The following SHROOM3 variants were observed in gnomAD, a reference collection of about 807,000 sequenced individuals.
The protein encoded by SHROOM3 is protein Shroom3.
A neutral mutation model predicts 138.6 loss-of-function variants in SHROOM3; 47 were observed. The ratio of observed to expected loss-of-function variants is 0.34; its 90% CI spans 0.27 to 0.43. The LOEUF (loss-of-function observed/expected upper bound fraction) is 0.43. Among genes scored for constraint, SHROOM3 ranks in the 20% least tolerant of loss-of-function variants. The probability of loss-of-function intolerance (pLI) is 1.00; values close to 1 mark genes in which losing one functional copy is unlikely to be tolerated. For synonymous variants in SHROOM3, 1,062 were observed against 1,063.3 expected (o/e 1.00, Z 0.02); for missense variants, 2,491 against 2,596.5 (o/e 0.96, Z 0.88).
At chr4:76,553,078 A>C (rs1733398829) in intron 1 of SHROOM3, among the ~76,000 whole-genome samples, 2 of 152,210 alleles carry the variant, frequency 1.3e-5, no homozygotes, top group Non-Finnish European at 2.9e-5. Context: ...TAGCCCAAGC[A>C]CTTGGAAAAA....
At chr4:76,589,136 A>C (rs1267390563) in intron 2 of SHROOM3, among the ~76,000 whole-genome samples, 1 of 152,232 alleles carries the variant, frequency 6.6e-6, no homozygotes, top group Non-Finnish European at 1.5e-5. Context: ...ACTTGTGTGA[A>C]CCAAAACTGA....
intron 1 of SHROOM3, among the ~76,000 whole-genome samples, chr4:76,439,711 AAC>A (rs1400464748): frequency 6.6e-6 from 1 of 152,258 alleles, no homozygotes; most frequent in East Asian, 1.9e-4. Context: ...GAAAGGCACA[AAC>A]ACATTATACA....
intron 8 of SHROOM3, among the ~76,000 whole-genome samples, chr4:76,758,901 A>G (rs980154308): frequency 6.6e-6 from 1 of 152,180 alleles, no homozygotes; most frequent in Non-Finnish European, 1.5e-5. Flanking sequence ...GAACTACTAG[A>G]TAGCAGGTTT....
chr4:76,655,331 G>C (rs1235565541), intron 2 of SHROOM3, among the ~76,000 whole-genome samples: 1 of 152,034 alleles, frequency 6.6e-6, no homozygotes, highest in Non-Finnish European at 1.5e-5. Context: ...ACAGTGCTAA[G>C]GACACAGGTA....
chr4:76,536,077 A>T (rs1019546625), intron 1 of SHROOM3, among the ~76,000 whole-genome samples: 33 of 152,334 alleles, frequency 2.2e-4, no homozygotes, highest in African/African-American at 7.7e-4. Flanking sequence ...TGAAGCATGG[A>T]TTTCAAAATA....
chr4:76,657,785 C>T (rs1736096585), intron 2 of SHROOM3, among the ~76,000 whole-genome samples: 2 of 152,174 alleles, frequency 1.3e-5, no homozygotes, highest in East Asian at 1.9e-4. Flanking sequence ...AAACTGTCTC[C>T]GGGCCCAAGT....
At chr4:76,479,509 G>A (rs914276747) in intron 1 of SHROOM3, among the ~76,000 whole-genome samples, 5 of 152,114 alleles carry the variant, frequency 3.3e-5, no homozygotes, top group African/African-American at 1.2e-4. Flanking sequence ...CATTTGATTG[G>A]TGTACCTGAA....
chr4:76,606,995 C>CTG lies in SHROOM3; in HGVS notation c.323+51248_323+51249dup, dbSNP rs142329345. ...TCAAAAATGGCAGTGTGTTCAAAAA[C>CTG]TGTGTGTGTGTGTGTGTCATATTTA... On this transcript the variant is annotated intron_variant, in intron 2 of 10. Transcript: ENST00000296043. Among the ~76,000 whole-genome samples the CTG allele has an allele frequency of 4.5e-3, 681 of 151,100 alleles. 3 individuals are homozygous for CTG. The highest frequency in any genetic ancestry group is 0.014 in the African/African-American group (587 of 41,202).
Position 76,577,340 on chromosome 4 carries a change from G to A in SHROOM3, c.323+21577G>A, listed in dbSNP as rs149255632. 2.2e-3 allele frequency among the ~76,000 whole-genome samples: 340 copies of A among 152,274 alleles called. 3 individuals carry two copies. Among genetic ancestry groups the A allele is most frequent in the African/African-American group, 7.7e-3 (322 of 41,568 alleles). ...ACGAGGTGCTGGGGAAGGTCTGATT[G>A]TTTACTCTTTACTGTGTATTGTTGT... On this transcript the variant is annotated intron_variant, in intron 2 of 10. Coordinates refer to ENST00000296043, the MANE Select transcript of SHROOM3 (RefSeq NM_020859.4).
chr4:76,443,549 T>C, intron 1 of SHROOM3, among the ~76,000 whole-genome samples: 1 of 152,236 alleles, frequency 6.6e-6, no homozygotes, highest in Non-Finnish European at 1.5e-5. Flanking sequence ...AGGGCTGCAG[T>C]GCAGAGTCCT....
chr4:76,485,904 A>AGTCATAT (rs1225642880), intron 1 of SHROOM3, among the ~76,000 whole-genome samples: 1 of 152,232 alleles, frequency 6.6e-6, no homozygotes, highest in Non-Finnish European at 1.5e-5. Context: ...TGTCCTACAT[A>AGTCATAT]GTCATATGAC....
At chr4:76,595,113 T>C (rs898907176) in intron 2 of SHROOM3, among the ~76,000 whole-genome samples, 1 of 152,214 alleles carries the variant, frequency 6.6e-6, no homozygotes, top group Non-Finnish European at 1.5e-5. Context: ...AAAGAAGGAA[T>C]AATCAAAGTT....
intron 1 of SHROOM3, among the ~76,000 whole-genome samples, chr4:76,477,044 T>G (rs1442618891): frequency 6.6e-6 from 1 of 152,202 alleles, no homozygotes; most frequent in Non-Finnish European, 1.5e-5. Flanking sequence ...CTCGGCTCAC[T>G]GCAAGCTCTG....
intron 1 of SHROOM3, among the ~76,000 whole-genome samples, chr4:76,535,596 C>T (rs10001789): frequency 0.68 from 102,874 of 152,024 alleles, 35,180 homozygotes; most frequent in East Asian, 0.94. Context: ...AAGTAGAAAC[C>T]AGATGTGCCC....
chr4:76,735,850 AAAAAAAAAAAAAAAAAAAATATAT>A (rs1253936973), intron 4 of SHROOM3, among the ~76,000 whole-genome samples: 3 of 60,594 alleles, frequency 5.0e-5, no homozygotes, highest in Admixed American at 2.2e-4. Flanking sequence ...AAAAAAAAAA[AAAAAAAAAAAAAAAAAAAATATAT>A]ATATATATAT....
intron 9 of SHROOM3, among the ~76,000 whole-genome samples, chr4:76,767,838 T>C (rs1722214672): frequency 6.6e-6 from 1 of 152,114 alleles, no homozygotes. Flanking sequence ...ATAGAAATAA[T>C]GAAAAACAGG....
At chr4:76,438,956 A>C (rs1442163256) in intron 1 of SHROOM3, among the ~76,000 whole-genome samples, 1 of 152,226 alleles carries the variant, frequency 6.6e-6, no homozygotes, top group Non-Finnish European at 1.5e-5. Flanking sequence ...GCAGACCTCC[A>C]TGTGGGGCAT....
chr4:76,646,225 A>T (rs377072555), intron 2 of SHROOM3, among the ~76,000 whole-genome samples: 22 of 96,236 alleles, frequency 2.3e-4, no homozygotes, highest in Admixed American at 7.5e-4. Context: ...ATAATAAATA[A>T]ATATATATAT....
At chr4:76,629,150 G>C (rs1735237659) in intron 2 of SHROOM3, among the ~76,000 whole-genome samples, 1 of 152,178 alleles carries the variant, frequency 6.6e-6, no homozygotes, top group Non-Finnish European at 1.5e-5. Flanking sequence ...CCAGCTGGTT[G>C]TAATTTTAAA....
Sources: gnomAD v4.1 joint callset for allele counts (sites outside exome capture counted in the v4.1 genomes callset) on GRCh38, gnomAD v4.1.1 for gene constraint, MANE v1.5 for transcripts, NCBI Gene and HGNC (gene_info 2026-07-23, HGNC 2026-07-21) for gene names.